CTNNA3: variants seen among roughly 807,000 people sequenced by gnomAD.
CTNNA3 encodes catenin alpha 3, also known as catenin alpha-3.
Under a neutral mutation model 95.7 loss-of-function variants are expected in CTNNA3, and 76 were observed. The ratio of observed to expected loss-of-function variants is 0.79; its 90% CI spans 0.66 to 0.96. CTNNA3 has a LOEUF of 0.96. Ranked by LOEUF, CTNNA3 falls within the 40% of genes least tolerant of loss-of-function variation. The pLI, the probability that CTNNA3 is intolerant of heterozygous loss-of-function variation, is 0.00. For synonymous variants in CTNNA3, 431 were observed against 374.4 expected (o/e 1.15, Z -1.74); for missense variants, 1,191 against 1,089.8 (o/e 1.09, Z -1.31).
intron 12 of CTNNA3, among the ~76,000 whole-genome samples, chr10:66,321,967 T>C (rs986907458): frequency 7.2e-5 from 11 of 152,098 alleles, no homozygotes; most frequent in African/African-American, 2.7e-4. Context: ...AGGTCTTCAT[T>C]TGGGAATGTG....
intron 5 of CTNNA3, among the ~76,000 whole-genome samples, chr10:67,438,069 A>T (rs1230265429): frequency 6.6e-6 from 1 of 152,206 alleles, no homozygotes; most frequent in African/African-American, 2.4e-5. Flanking sequence ...AAAGAGCAAC[A>T]AATAATGGCT....
chr10:66,812,678 GTAT>G (rs141526144), intron 7 of CTNNA3, among the ~76,000 whole-genome samples: 2,186 of 152,150 alleles, frequency 0.014, 61 homozygotes, highest in African/African-American at 0.05. Context: ...AAAATATTAA[GTAT>G]TATTATTATT....
At chr10:66,457,459 C>T (rs925307413) in intron 11 of CTNNA3, among the ~76,000 whole-genome samples, 1 of 152,180 alleles carries the variant, frequency 6.6e-6, no homozygotes, top group East Asian at 1.9e-4. Context: ...GTTGGGCACT[C>T]TCTTGTTTAC....
intron 13 of CTNNA3, among the ~76,000 whole-genome samples, chr10:66,133,153 A>G (rs188463625): frequency 1.7e-3 from 266 of 152,316 alleles, no homozygotes; most frequent in Non-Finnish European, 2.7e-3. Flanking sequence ...AAATTCTCCT[A>G]TGTTAATATA....
intron 5 of CTNNA3, among the ~76,000 whole-genome samples, chr10:67,296,373 T>C (rs1840030799): frequency 6.6e-6 from 1 of 152,192 alleles, no homozygotes; most frequent in Non-Finnish European, 1.5e-5. Context: ...GTAAACCCAG[T>C]AAATTCTGTG....
At chr10:66,212,244 C>T (rs1564771104) in intron 13 of CTNNA3, among the ~76,000 whole-genome samples, 1 of 152,126 alleles carries the variant, frequency 6.6e-6, no homozygotes, top group Admixed American at 6.5e-5. Context: ...CCCACCTCGG[C>T]CTCCCAAAGT....
chr10:67,379,891 G>A (rs1000836033), intron 5 of CTNNA3, among the ~76,000 whole-genome samples: 3 of 150,918 alleles, frequency 2.0e-5, no homozygotes, highest in African/African-American at 7.3e-5. Flanking sequence ...CGTAGTGGCG[G>A]GCGCCTGTAG....
intron 13 of CTNNA3, among the ~76,000 whole-genome samples, chr10:66,133,024 C>A (rs1026602360): frequency 1.3e-5 from 2 of 151,924 alleles, no homozygotes; most frequent in African/African-American, 4.8e-5. Context: ...ATATAACAAC[C>A]TGTACAAGTA....
At chr10:66,700,468 T>C (rs1441855144) in intron 9 of CTNNA3, among the ~76,000 whole-genome samples, 1 of 152,198 alleles carries the variant, frequency 6.6e-6, no homozygotes, top group Non-Finnish European at 1.5e-5. Flanking sequence ...TTCTGGGCTT[T>C]TTATTCTGTT....
intron 7 of CTNNA3, among the ~76,000 whole-genome samples, chr10:66,800,736 T>C (rs1841397596): frequency 6.6e-6 from 1 of 151,252 alleles, no homozygotes; most frequent in East Asian, 1.9e-4. Context: ...ATTTTGAAGT[T>C]ACCCCCATTA....
At position 67,651,882 on chromosome 10, in the gene CTNNA3, T is replaced by C. The variant is rs376680363; in HGVS notation, c.-5-4364A>G. ...TTTAGTTTTCCTACAGATTGGCACC[T>C]AGATGTCCAGTCTAATTAAAGAGAT... On this transcript the variant is annotated intron_variant, in intron 1 of 17. Transcript: ENST00000433211. 1.5e-4 allele frequency among the ~76,000 whole-genome samples: 23 copies of C among 152,382 alleles called. No homozygotes were observed. In the East Asian group the frequency reaches 4.4e-3, roughly 29 times the overall value.
At chr10:66,480,414 G>T (rs1839478816) in intron 11 of CTNNA3, among the ~76,000 whole-genome samples, 2 of 152,214 alleles carry the variant, frequency 1.3e-5, no homozygotes, top group African/African-American at 4.8e-5. Flanking sequence ...CTGTGTCAGT[G>T]TATTTCTTTC....
intron 13 of CTNNA3, among the ~76,000 whole-genome samples, chr10:66,103,524 A>G (rs189631292): frequency 1.3e-5 from 2 of 152,316 alleles, no homozygotes; most frequent in East Asian, 3.9e-4. Context: ...CATGTGTACA[A>G]TGGAATATAA....
intron 14 of CTNNA3, among the ~76,000 whole-genome samples, chr10:66,075,820 T>C (rs1377180586): frequency 6.6e-6 from 1 of 151,634 alleles, no homozygotes; most frequent in Non-Finnish European, 1.5e-5. Flanking sequence ...TCTTCATTAG[T>C]AGCTTTCCCT....
At chr10:66,702,076 T>A (rs1358642665) in intron 9 of CTNNA3, among the ~76,000 whole-genome samples, 1 of 152,196 alleles carries the variant, frequency 6.6e-6, no homozygotes, top group South Asian at 2.1e-4. Flanking sequence ...AAGCAACAAT[T>A]TTCTTAACTT....
chr10:66,565,256 A>G (rs1411578148), intron 10 of CTNNA3, among the ~76,000 whole-genome samples: 1 of 152,190 alleles, frequency 6.6e-6, no homozygotes, highest in East Asian at 1.9e-4. Context: ...GGAGATACTG[A>G]GTTTTTACTG....
chr10:66,554,524 T>C (rs1163997631), intron 10 of CTNNA3, among the ~76,000 whole-genome samples: 1 of 152,200 alleles, frequency 6.6e-6, no homozygotes, highest in Non-Finnish European at 1.5e-5. Context: ...GCTGTTACTC[T>C]TTCTTTTGCA....
chr10:66,994,829 T>C (rs766642487), intron 7 of CTNNA3, among the ~76,000 whole-genome samples: 1 of 152,190 alleles, frequency 6.6e-6, no homozygotes, highest in Admixed American at 6.5e-5. Context: ...TTTGAGAATT[T>C]CTATACATTG....
At chr10:66,450,959 A>T (rs2093459642) in intron 11 of CTNNA3, among the ~76,000 whole-genome samples, 1 of 152,288 alleles carries the variant, frequency 6.6e-6, no homozygotes, top group Admixed American at 6.5e-5. Context: ...ATCATGGGCC[A>T]GGTATTTGTT....
Sources: gnomAD v4.1 joint callset for allele counts (sites outside exome capture counted in the v4.1 genomes callset) on GRCh38, gnomAD v4.1.1 for gene constraint, MANE v1.5 for transcripts, NCBI Gene and HGNC (gene_info 2026-07-23, HGNC 2026-07-21) for gene names.